Variants in MAP4K1 observed in about 807,000 individuals in gnomAD.
The protein encoded by MAP4K1 is mitogen-activated protein kinase kinase kinase kinase 1, also known as MAPK/ERK kinase kinase kinase 1.
Under a neutral mutation model 122.8 loss-of-function variants are expected in MAP4K1, and 35 were observed. The observed-to-expected ratio is 0.29, with a 90% CI of 0.22 to 0.38. The LOEUF (loss-of-function observed/expected upper bound fraction) is 0.38, where lower values mean the gene tolerates loss of function less well. Among genes scored for constraint, MAP4K1 ranks in the 10% least tolerant of loss-of-function variants. The pLI, the probability that MAP4K1 is intolerant of heterozygous loss-of-function variation, is 1.00. For synonymous variants in MAP4K1, 412 were observed against 421.3 expected, an observed-to-expected ratio of 0.98 and a Z score of 0.27; for missense variants, 791 against 1,072.6, an observed-to-expected ratio of 0.74 and a Z score of 3.67.
intron 4 of MAP4K1, 101 bp from the exon 5 acceptor site, chr19:38,614,546 G>A: frequency 7.7e-7 from 1 of 1,297,646 alleles, no homozygotes; most frequent in Admixed American, 1.7e-5. Flanking sequence ...GTGCCATAGG[G>A]AGAGGGGAAA....
At chr19:38,603,365 CACAT>C (rs1439313191) in intron 19 of MAP4K1, among the ~76,000 whole-genome samples, 6 of 150,758 alleles carry the variant, frequency 4.0e-5, no homozygotes, top group Admixed American at 1.3e-4. Flanking sequence ...CATATATACA[CACAT>C]ATACATATAT....
At chr19:38,600,881 C>T (rs1975041175) in intron 20 of MAP4K1, among the ~76,000 whole-genome samples, 1 of 148,856 alleles carries the variant, frequency 6.7e-6, no homozygotes, top group South Asian at 2.1e-4. Flanking sequence ...TCTCAGCTCA[C>T]TGCAACTTCC....
chr19:38,616,511 C>T (rs1432782046), intron 3 of MAP4K1, among the ~76,000 whole-genome samples: 3 of 152,106 alleles, frequency 2.0e-5, no homozygotes, highest in Non-Finnish European at 2.9e-5. Flanking sequence ...TGGGCGGGAC[C>T]CCACTGCCGT....
At chr19:38,605,848 C>A (rs1020876996) in intron 17 of MAP4K1, 118 bp from the exon 18 acceptor site, 4 of 976,052 alleles carry the variant, frequency 4.1e-6, no homozygotes, top group Non-Finnish European at 4.5e-6. Context: ...TGACCCACCC[C>A]CCCGACAACA....
intron 9 of MAP4K1, among the ~76,000 whole-genome samples, chr19:38,611,984 C>T (rs1400411641): frequency 1.3e-5 from 2 of 151,490 alleles, no homozygotes; most frequent in Non-Finnish European, 2.9e-5. Flanking sequence ...CCTGTAATCC[C>T]ACACTTGGGA....
chr19:38,615,076 TCA>T lies in MAP4K1; in HGVS notation c.314-633_314-632del, dbSNP rs569239097. Among the ~76,000 whole-genome samples, 410 of 152,034 alleles carry T rather than the reference TCA, an allele frequency of 2.7e-3. 2 individuals are homozygous for T. Among genetic ancestry groups the T allele is most frequent in the African/African-American group, 9.6e-3 (399 of 41,474 alleles). On this transcript the variant is annotated intron_variant, in intron 4 of 30. Coordinates refer to ENST00000396857, the MANE Select transcript of MAP4K1 (RefSeq NM_001042600.3). ...TGCGCGTAGGAGGAGCTATGACATTTCACAGAGGTGGTCAGTCAGGGCTGCTC... is the reference window on the plus strand; with the variant it reads ...TGCGCGTAGGAGGAGCTATGACATTTCAGAGGTGGTCAGTCAGGGCTGCTC...
At position 38,613,884 on chromosome 19, in the gene MAP4K1, A is replaced by G; in HGVS notation, c.529T>C (p.Tyr177His). 6.2e-7 allele frequency: 1 copy of G among 1,608,452 alleles called. No individual in the cohort carries two copies. Among genetic ancestry groups the G allele is most frequent in the Non-Finnish European group, 8.5e-7 (1 of 1,177,736 alleles). Residue 177 changes from tyrosine to histidine, a missense_variant, in exon 8 of 31, where the codon TAC becomes CAC. Coordinates refer to ENST00000396857, the MANE Select transcript of MAP4K1 (RefSeq NM_001042600.3). ...ARRLSFIGTP[Y>H]WMAPEVAAVA... ...TGCCCGCTGGGCGCCACTCACCAGT[A>G]GGGTGTCCCAATGAAAGAGAGGCGT...
intron 30 of MAP4K1, among the ~76,000 whole-genome samples, chr19:38,589,857 C>A (rs1265556077): frequency 6.6e-6 from 1 of 152,020 alleles, no homozygotes; most frequent in East Asian, 1.9e-4. Context: ...TGGCGAAACC[C>A]TGTCTGTACA....
At chr19:38,602,635 C>T (rs375664535) in intron 19 of MAP4K1, among the ~76,000 whole-genome samples, 2 of 140,676 alleles carry the variant, frequency 1.4e-5, no homozygotes, top group South Asian at 4.7e-4. Flanking sequence ...CATATATATA[C>T]ACACCTATAC....
In MAP4K1 at chr19:38,594,051, CCAGA is replaced by C. The variant is rs140458145; in HGVS notation, c.2341-718_2341-715del. ...CAAGGCCACTCAGCTGAATTCCAAC[CCAGA>C]CAGTCTTGTCTTAACTATCCATATA... On this transcript the variant is annotated intron_variant, in intron 29 of 30. Transcript: ENST00000396857. Among the ~76,000 whole-genome samples, 528 of 152,300 alleles carry C rather than the reference CCAGA, an allele frequency of 3.5e-3. 4 individuals carry two copies. The highest frequency in any genetic ancestry group is 0.017 in the Middle Eastern group (5 of 294).
intron 13 of MAP4K1, 78 bp downstream of exon 13, chr19:38,609,518 G>T: frequency 8.0e-7 from 1 of 1,246,814 alleles, no homozygotes; most frequent in East Asian, 2.4e-5. Flanking sequence ...GTCTCTGGAG[G>T]CCTGATGGTA....
At chr19:38,611,618 AT>A (rs869035452) in intron 9 of MAP4K1, among the ~76,000 whole-genome samples, 13 of 150,692 alleles carry the variant, frequency 8.6e-5, no homozygotes, top group East Asian at 7.8e-4. Flanking sequence ...CAAAAAAAAA[AT>A]TTTTTTTTTA....
intron 9 of MAP4K1, 77 bp downstream of exon 9, chr19:38,612,534 G>A: frequency 6.9e-7 from 1 of 1,444,420 alleles, no homozygotes; most frequent in Non-Finnish European, 9.3e-7. Context: ...TCCTGGGATG[G>A]AAGGCGGAAG....
chr19:38,605,682 C>G lies in MAP4K1; in HGVS notation c.1249G>C (p.Asp417His), dbSNP rs1975307219. ...SDEGPGSMGD[D>H]GQLSPGVLVR... ...AGCACCCCCGGGCTCAGCTGCCCAT[C>G]ATCCCCCATGCTCCCAGGACCCTCG... Residue 417 changes from aspartate (D) to histidine (H), a missense_variant, in exon 18 of 31, where the codon GAT becomes CAT. Transcript: ENST00000396857. 6.2e-7 allele frequency: 1 copy of G among 1,607,598 alleles called. No homozygotes were observed. The highest frequency in any genetic ancestry group is 8.5e-7 in the Non-Finnish European group (1 of 1,178,622).
intron 19 of MAP4K1, 106 bp downstream of exon 19, chr19:38,605,303 C>G: frequency 1.2e-6 from 1 of 869,358 alleles, no homozygotes; most frequent in Non-Finnish European, 1.8e-6. Context: ...AAGCGCTCAA[C>G]AAATGTCACC....
At chr19:38,606,633 T>C (rs1599711396) in intron 16 of MAP4K1, among the ~76,000 whole-genome samples, 2 of 152,170 alleles carry the variant, frequency 1.3e-5, no homozygotes, top group East Asian at 3.9e-4. Context: ...TTAGCCTTGG[T>C]GCCAAAACAA....
rs1324446811 is a variant in MAP4K1 at position 38,600,128 on chromosome 19, C to T, written c.1557G>A (p.Glu519=). 1.9e-6 allele frequency: 3 copies of T among 1,614,180 alleles called. No individual in the cohort carries two copies. Among genetic ancestry groups the T allele is most frequent in the Non-Finnish European group, 2.5e-6 (3 of 1,180,008 alleles). The change falls in exon 21 of 31, where the codon GAG becomes GAA. Residue 519 remains glutamate (E), a synonymous_variant. Coordinates refer to ENST00000396857, the MANE Select transcript of MAP4K1 (RefSeq NM_001042600.3). ...TKDQHLLLGA[E]EGIFILNRND... Reference sequence around the variant, plus strand: ...TCCGGTTCAGGATGAAGATGCCTTCCTCTGCCCCCAGGAGCAGGTGCTGGT... The same window carrying T: ...TCCGGTTCAGGATGAAGATGCCTTCTTCTGCCCCCAGGAGCAGGTGCTGGT...
At chr19:38,606,292 G>C in intron 16 of MAP4K1, 77 bp from the exon 17 acceptor site, 1 of 697,454 alleles carries the variant, frequency 1.4e-6, no homozygotes, top group Non-Finnish European at 2.4e-6. Flanking sequence ...GTTCTGGGCT[G>C]GAGGCCCGGG....
chr19:38,607,237 G>A (rs997324447), intron 16 of MAP4K1, among the ~76,000 whole-genome samples: 2 of 151,920 alleles, frequency 1.3e-5, no homozygotes, highest in Non-Finnish European at 2.9e-5. Context: ...GGGGGCTGAC[G>A]CTGAGGGTCA....
Sources: allele counts gnomAD v4.1 joint callset (sites outside exome capture counted in the v4.1 genomes callset), GRCh38; gene constraint gnomAD v4.1.1; transcripts MANE v1.5; gene names NCBI Gene and HGNC (gene_info 2026-07-23, HGNC 2026-07-21).